Variants in FSTL4 observed in about 807,000 individuals in gnomAD.
The protein encoded by FSTL4 is follistatin like 4.
Under a neutral mutation model 78.2 loss-of-function variants are expected in FSTL4, and 28 were observed. The ratio of observed to expected loss-of-function variants is 0.36; its 90% CI spans 0.27 to 0.49. The LOEUF (loss-of-function observed/expected upper bound fraction) is 0.49. Among genes scored for constraint, FSTL4 ranks in the 20% least tolerant of loss-of-function variants. FSTL4 has a pLI of 0.98. For synonymous variants in FSTL4, 422 were observed against 440.5 expected (o/e 0.96, Z 0.53); for missense variants, 922 against 1,084.9 (o/e 0.85, Z 2.11).
At chr5:133,233,867 G>T (rs1190552589) in intron 7 of FSTL4, among the ~76,000 whole-genome samples, 2 of 152,142 alleles carry the variant, frequency 1.3e-5, no homozygotes, top group South Asian at 4.1e-4. Flanking sequence ...TTTACCGGCT[G>T]CCTGCTTGAT....
chr5:133,199,298 T>C lies in FSTL4; in HGVS notation c.2326A>G (p.Asn776Asp), dbSNP rs1750241278. The C allele has an allele frequency of 6.2e-6, 10 of 1,613,966 alleles. No individual in the cohort carries two copies. The highest frequency in any genetic ancestry group is 8.5e-6 in the Non-Finnish European group (10 of 1,179,958). ...GGCCCTGCGGGTGGCTCCTTTAAGT[T>C]CTTCAGCATGCCCACCTTCCCCGTG... ...LSTGKVGMLK[N>D]LKEPPAGPAQ... The change falls in exon 16 of 16, where the codon AAC (asparagine) becomes GAC (aspartate). Residue 776 changes from asparagine (N) to aspartate (D), a missense_variant. Physicochemically the swap from Asn to Asp is conservative, Grantham distance 23. Coordinates refer to ENST00000265342, the MANE Select transcript of FSTL4 (RefSeq NM_015082.2). This position sits in a 1 kb window ranked among gnomAD's most constrained non-coding sequence, Gnocchi z 4.4.
At chr5:133,427,968 ACT>A (rs1281848604) in intron 3 of FSTL4, among the ~76,000 whole-genome samples, 1 of 151,798 alleles carries the variant, frequency 6.6e-6, no homozygotes, top group African/African-American at 2.4e-5. Context: ...TATTTCAAGA[ACT>A]CTTCTGGAGT....
chr5:133,621,593 A>C, the FSTL4 span, among the ~76,000 whole-genome samples: 6 of 152,158 alleles, frequency 3.9e-5, no homozygotes, highest in East Asian at 1.2e-3. Flanking sequence ...GACTTTGGGG[A>C]CTTGGGGGAA....
intron 3 of FSTL4, among the ~76,000 whole-genome samples, chr5:133,502,458 G>A (rs577138932): frequency 5.1e-4 from 77 of 152,174 alleles, no homozygotes; most frequent in Non-Finnish European, 5.6e-4. Flanking sequence ...GATATGGTTT[G>A]GATCTGTGTC....
chr5:133,537,180 C>A (rs79029146), intron 3 of FSTL4, among the ~76,000 whole-genome samples: 2 of 152,290 alleles, frequency 1.3e-5, no homozygotes, highest in East Asian at 3.9e-4. Context: ...AAATTACACA[C>A]ACTCATTCAT....
rs1279514263 is a variant in FSTL4 at position 133,199,822 on chromosome 5, G to C, written c.1827-25C>G. The C allele has an allele frequency of 7.4e-7, 1 of 1,352,290 alleles. No homozygotes were observed. Among genetic ancestry groups the C allele is most frequent in the African/African-American group, 1.4e-5 (1 of 69,210 alleles). 83.8% of individuals were successfully genotyped at this position (1,352,290 alleles called of 1,614,324 possible). On this transcript the variant is annotated intron_variant, in intron 15 of 15. Transcript: ENST00000265342. This position sits in a 1 kb window ranked among gnomAD's most constrained non-coding sequence, Gnocchi z 4.4. ...CCTGGGAGGGGAAGAACTGAGGTCA[G>C]AAGTTGCCTCCAGGGGTGGGGAATC...
the FSTL4 span, among the ~76,000 whole-genome samples, chr5:133,838,872 G>A: frequency 2.0e-5 from 3 of 152,188 alleles, no homozygotes; most frequent in South Asian, 2.1e-4. Context: ...GTGCAGGTGA[G>A]TCAATGTCTC....
chr5:133,831,704 G>A, the FSTL4 span, among the ~76,000 whole-genome samples: 1 of 152,242 alleles, frequency 6.6e-6, no homozygotes, highest in African/African-American at 2.4e-5. Flanking sequence ...GCCCTCTGGG[G>A]ATGATTCATT....
At chr5:133,765,686 G>A in the FSTL4 span, among the ~76,000 whole-genome samples, 4 of 152,238 alleles carry the variant, frequency 2.6e-5, no homozygotes, top group Non-Finnish European at 5.9e-5. Context: ...CACAGTGGAA[G>A]AGGGAGGCTA....
the FSTL4 span, among the ~76,000 whole-genome samples, chr5:133,811,188 G>A: frequency 6.6e-6 from 1 of 152,130 alleles, no homozygotes; most frequent in Non-Finnish European, 1.5e-5. Flanking sequence ...AGGTTATTGA[G>A]TTCTGATATA....
At chr5:133,590,350 T>G (rs1760597920) in intron 2 of FSTL4, among the ~76,000 whole-genome samples, 1 of 152,098 alleles carries the variant, frequency 6.6e-6, no homozygotes, top group African/African-American at 2.4e-5. Flanking sequence ...AAACCAAATT[T>G]TTAATGCAAT....
At chr5:133,339,537 G>T (rs557228718) in intron 4 of FSTL4, among the ~76,000 whole-genome samples, 1 of 151,998 alleles carries the variant, frequency 6.6e-6, no homozygotes, top group Non-Finnish European at 1.5e-5. Flanking sequence ...TCCCACCATC[G>T]ACATGAGCCA....
At chr5:133,321,433 G>C (rs1363114254) in intron 4 of FSTL4, among the ~76,000 whole-genome samples, 1 of 152,198 alleles carries the variant, frequency 6.6e-6, no homozygotes, top group East Asian at 1.9e-4. Flanking sequence ...CCTTAGCCTT[G>C]ATCCACAGGA....
At chr5:133,841,777 A>T in the FSTL4 span, among the ~76,000 whole-genome samples, 5 of 152,220 alleles carry the variant, frequency 3.3e-5, no homozygotes, top group African/African-American at 9.6e-5. Flanking sequence ...ACAATGTCAC[A>T]TGAGCCCCTC....
At position 133,199,273 on chromosome 5, in the gene FSTL4, G is replaced by A. The variant is rs143403129; in HGVS notation, c.2351C>T (p.Pro784Leu). The change falls in exon 16 of 16, where the codon CCA (proline) becomes CTA (leucine). Residue 784 changes from proline to leucine, a missense_variant. Coordinates refer to ENST00000265342, the MANE Select transcript of FSTL4 (RefSeq NM_015082.2). The surrounding 1 kb of genome is among the most constrained non-coding windows in gnomAD (Gnocchi z 4.4). ...GTGGGTACCCCCCCAGGGCTGAGCT[G>A]GCCCTGCGGGTGGCTCCTTTAAGTT... ...LKNLKEPPAG[P>L]AQPWGGTHRI... The A allele has an allele frequency of 1.2e-3, 1,992 of 1,613,910 alleles. 5 individuals are homozygous for A. The highest frequency in any genetic ancestry group is 7.3e-3 in the South Asian group (662 of 91,074).
chr5:133,655,923 C>T, the FSTL4 span, among the ~76,000 whole-genome samples: 1 of 152,166 alleles, frequency 6.6e-6, no homozygotes, highest in Admixed American at 6.5e-5. Flanking sequence ...GAAAACCGAG[C>T]ATAAAAGCTC....
the FSTL4 span, among the ~76,000 whole-genome samples, chr5:133,764,573 C>T: frequency 2.0e-5 from 3 of 151,846 alleles, no homozygotes; most frequent in African/African-American, 7.3e-5. Flanking sequence ...TGCACCTAAG[C>T]ACAGGCACAT....
the FSTL4 span, among the ~76,000 whole-genome samples, chr5:133,703,657 G>A: frequency 6.6e-6 from 1 of 152,352 alleles, no homozygotes; most frequent in East Asian, 1.9e-4. Flanking sequence ...AGCCATCTGT[G>A]AAAGGAGCAC....
rs111490887 is a variant in FSTL4 at position 133,324,911 on chromosome 5, C to T, written c.410-8259G>A. On this transcript the variant is annotated intron_variant, in intron 4 of 15. Coordinates refer to ENST00000265342, the MANE Select transcript of FSTL4 (RefSeq NM_015082.2). The stretch of plus-strand genomic sequence containing the variant: ...ACATGTGGCCATGCTCACTGAAGCC[C>T]AGACCTCCATACCTCACCCAGTGGG... 2.7e-3 allele frequency among the ~76,000 whole-genome samples: 417 copies of T among 152,358 alleles called. 4 individuals are homozygous for T. The highest frequency in any genetic ancestry group is 8.9e-3 in the African/African-American group (372 of 41,586).
Sources: allele counts gnomAD v4.1 joint callset (sites outside exome capture counted in the v4.1 genomes callset), GRCh38; gene constraint gnomAD v4.1.1; non-coding constraint Gnocchi (gnomAD v3.1); transcripts MANE v1.5; gene names NCBI Gene and HGNC (gene_info 2026-07-23, HGNC 2026-07-21).